SLC38A1: variants seen among roughly 807,000 people sequenced by gnomAD.
The protein encoded by SLC38A1 is solute carrier family 38 member 1.
In SLC38A1, 18 loss-of-function variants were observed where a neutral mutation model predicts 60.3. The observed-to-expected ratio is 0.30, with a 90% CI of 0.21 to 0.44. The LOEUF (loss-of-function observed/expected upper bound fraction) is 0.44. Ranked by LOEUF, SLC38A1 falls within the 20% of genes least tolerant of loss-of-function variation. SLC38A1 has a pLI of 1.00. For synonymous variants in SLC38A1, 196 were observed against 212.1 expected, an observed-to-expected ratio of 0.92 and a Z score of 0.66; for missense variants, 448 against 587.2, an observed-to-expected ratio of 0.76 and a Z score of 2.45.
At chr12:46,203,340 A>G (rs997533097) in intron 11 of SLC38A1, among the ~76,000 whole-genome samples, 3 of 152,172 alleles carry the variant, frequency 2.0e-5, no homozygotes, top group African/African-American at 7.2e-5. Flanking sequence ...TATATACTCC[A>G]GGTATACAAC....
intron 1 of SLC38A1, among the ~76,000 whole-genome samples, chr12:46,248,941 G>C (rs762414146): frequency 1.6e-4 from 24 of 152,078 alleles, no homozygotes; most frequent in Non-Finnish European, 2.9e-4. Context: ...CAGATCACGA[G>C]TTCAGGAGAT....
intron 1 of SLC38A1, among the ~76,000 whole-genome samples, chr12:46,249,066 G>C (rs1358955265): frequency 1.3e-5 from 2 of 148,956 alleles, no homozygotes; most frequent in African/African-American, 5.0e-5. Flanking sequence ...TCAGGCAGGA[G>C]AATCGCTTGA....
chr12:46,210,124 C>T (rs2137287151), intron 5 of SLC38A1, among the ~76,000 whole-genome samples: 1 of 152,294 alleles, frequency 6.6e-6, no homozygotes, highest in African/African-American at 2.4e-5. Flanking sequence ...CTGCTTCCTC[C>T]TGGCCCTTCC....
intron 2 of SLC38A1, among the ~76,000 whole-genome samples, chr12:46,241,628 G>A (rs111246808): frequency 6.6e-6 from 1 of 152,134 alleles, no homozygotes; most frequent in South Asian, 2.1e-4. Context: ...TGCTAGAGAC[G>A]GCCCATTTCT....
intron 3 of SLC38A1, among the ~76,000 whole-genome samples, chr12:46,238,391 C>T (rs1277045160): frequency 1.4e-4 from 21 of 152,164 alleles, no homozygotes; most frequent in Admixed American, 1.3e-3. Flanking sequence ...AAATCCTATG[C>T]TGGGCTTTTA....
At chr12:46,220,662 A>T (rs1239488188) in intron 5 of SLC38A1, among the ~76,000 whole-genome samples, 3 of 152,236 alleles carry the variant, frequency 2.0e-5, no homozygotes, top group Non-Finnish European at 2.9e-5. Flanking sequence ...ACTGAGAGCA[A>T]AATTATTATC....
chr12:46,218,233 G>A (rs1381882808), intron 5 of SLC38A1, among the ~76,000 whole-genome samples: 1 of 152,116 alleles, frequency 6.6e-6, no homozygotes, highest in Non-Finnish European at 1.5e-5. Flanking sequence ...TGACACTCTT[G>A]ATGTGTCCTC....
At position 46,188,615 on chromosome 12, in the gene SLC38A1, A is replaced by T. The variant is rs560884500; in HGVS notation, c.*355T>A. On this transcript the variant is annotated 3_prime_UTR_variant, in exon 17 of 17. Coordinates refer to ENST00000398637, the MANE Select transcript of SLC38A1 (RefSeq NM_030674.4). ...GTAGGAAAATTATTTCAGAATCTGGATGTATAATAAATAAACATTATTGTA... is the reference window on the plus strand; with the variant it reads ...GTAGGAAAATTATTTCAGAATCTGGTTGTATAATAAATAAACATTATTGTA... 6.0e-6 allele frequency: 1 copy of T among 165,944 alleles called. No homozygotes were observed. Among genetic ancestry groups the T allele is most frequent in the Admixed American group, 6.1e-5 (1 of 16,342 alleles). The allele number at this position is 165,944 out of a possible 1,614,324, so 10.3% of individuals were successfully genotyped here. A position where few individuals can be genotyped will look rare whatever the true frequency, so the allele number is the denominator to read the frequency against.
At chr12:46,207,802 C>T (rs1189375068) in intron 6 of SLC38A1, among the ~76,000 whole-genome samples, 181 bp from the exon 7 acceptor site, 2 of 152,178 alleles carry the variant, frequency 1.3e-5, no homozygotes, top group Non-Finnish European at 2.9e-5. Context: ...AAATTCTTAA[C>T]ATTTTAAAAT....
intron 1 of SLC38A1, among the ~76,000 whole-genome samples, chr12:46,261,361 A>G (rs1942191391): frequency 6.6e-6 from 1 of 152,210 alleles, no homozygotes; most frequent in Non-Finnish European, 1.5e-5. Flanking sequence ...ACTGGCTTAT[A>G]GCAAGGGGGC....
intron 1 of SLC38A1, among the ~76,000 whole-genome samples, chr12:46,261,571 C>T (rs775164759): frequency 6.6e-6 from 1 of 152,246 alleles, no homozygotes; most frequent in Admixed American, 6.5e-5. Flanking sequence ...CCATGGAAAA[C>T]AAAACAAAAA....
rs1242784771 is a variant in SLC38A1 at position 46,186,675 on chromosome 12, T to A, written c.*2295A>T. The A allele has an allele frequency of 6.6e-6, 1 of 152,150 alleles. No homozygotes were observed. The highest frequency in any genetic ancestry group is 6.5e-5 in the Admixed American group (1 of 15,278). The allele number at this position is 152,150 out of a possible 1,614,324, so 9.4% of individuals were successfully genotyped here. ...AAAAATATGGGTGGTGTCACACAGA[T>A]CAACAACACTGTGCCTCCTCTAAAT... On this transcript the variant is annotated 3_prime_UTR_variant, in exon 17 of 17. Coordinates refer to ENST00000398637, the MANE Select transcript of SLC38A1 (RefSeq NM_030674.4).
Position 46,184,888 on chromosome 12 carries a change from T to C in SLC38A1, c.*4082A>G, listed in dbSNP as rs1339243235. On this transcript the variant is annotated 3_prime_UTR_variant, in exon 17 of 17. Coordinates refer to ENST00000398637, the MANE Select transcript of SLC38A1 (RefSeq NM_030674.4). ...TGCCTCAGCCCGAGGTAACACCGAGTGCAGGCAGCCTGTGTTTAGGAATTT... is the reference window on the plus strand; with the variant it reads ...TGCCTCAGCCCGAGGTAACACCGAGCGCAGGCAGCCTGTGTTTAGGAATTT... 6.6e-6 allele frequency: 1 copy of C among 152,050 alleles called. No homozygotes were observed. The highest frequency in any genetic ancestry group is 2.4e-5 in the African/African-American group (1 of 41,394). 9.4% of individuals were successfully genotyped at this position (152,050 alleles called of 1,614,324 possible).
At position 46,229,003 on chromosome 12, in the gene SLC38A1, T is replaced by C. The variant is rs150891926; in HGVS notation, c.314+150A>G. 867 of 482,348 alleles carry C rather than the reference T, an allele frequency of 1.8e-3. 6 individuals carry two copies. The highest frequency in any genetic ancestry group is 0.015 in the African/African-American group (750 of 51,026). 29.9% of individuals were successfully genotyped at this position (482,348 alleles called of 1,614,324 possible). A position where few individuals can be genotyped will look rare whatever the true frequency, so the allele number is the denominator to read the frequency against. On this transcript the variant is annotated intron_variant, in intron 5 of 16. Transcript: ENST00000398637. The stretch of plus-strand genomic sequence containing the variant: ...CATTAGGTACAGTTTGGAAAATCAC[T>C]CAAGCAATAAATATCAAAGTATGTA...
At chr12:46,199,760 TCA>T (rs904347216) in intron 13 of SLC38A1, among the ~76,000 whole-genome samples, 8 of 152,206 alleles carry the variant, frequency 5.3e-5, no homozygotes, top group African/African-American at 1.9e-4. Flanking sequence ...ATGGAACTGC[TCA>T]CTCTTTTGAC....
Position 46,268,328 on chromosome 12 carries a change from G to A in SLC38A1, c.-209+198C>T, listed in dbSNP as rs1942430073. 6.6e-6 allele frequency among the ~76,000 whole-genome samples: 1 copy of A among 152,176 alleles called. No individual in the cohort carries two copies. The highest frequency in any genetic ancestry group is 2.4e-5 in the African/African-American group (1 of 41,444). On this transcript the variant is annotated intron_variant, in intron 1 of 16. Transcript: ENST00000398637. This position sits in a 1 kb window ranked among gnomAD's most constrained non-coding sequence, Gnocchi z 4.4. ...CTCGGGGGCCCTGGCGCTTCCTCCC[G>A]CTGCCGCGTGCGTTCGGGAAGCACA...
chr12:46,234,240 A>C (rs1369104858), intron 3 of SLC38A1, among the ~76,000 whole-genome samples: 1 of 152,142 alleles, frequency 6.6e-6, no homozygotes, highest in Non-Finnish European at 1.5e-5. Context: ...TATGTACCTA[A>C]CCACACATTA....
chr12:46,240,193 G>A (rs914449340), intron 2 of SLC38A1, among the ~76,000 whole-genome samples: 1 of 152,088 alleles, frequency 6.6e-6, no homozygotes, highest in African/African-American at 2.4e-5. Context: ...ATGATATGAA[G>A]CAGTGTTGTT....
intron 1 of SLC38A1, among the ~76,000 whole-genome samples, chr12:46,251,024 C>A (rs1322827113): frequency 2.6e-5 from 4 of 152,128 alleles, no homozygotes; most frequent in Non-Finnish European, 5.9e-5. Flanking sequence ...CAAAAAAGAG[C>A]CCACATTGCC....
Sources: gnomAD v4.1 joint callset for allele counts (sites outside exome capture counted in the v4.1 genomes callset) on GRCh38, gnomAD v4.1.1 for gene constraint, Gnocchi (gnomAD v3.1) non-coding constraint, MANE v1.5 for transcripts, NCBI Gene and HGNC (gene_info 2026-07-23, HGNC 2026-07-21) for gene names.